ST6GALNAC3: variants seen among roughly 807,000 people sequenced by gnomAD.
ST6GALNAC3 encodes the protein alpha-N-acetylgalactosaminide alpha-2,6-sialyltransferase 3.
Under a neutral mutation model 32.7 loss-of-function variants are expected in ST6GALNAC3, and 25 were observed. The ratio of observed to expected loss-of-function variants is 0.76; its 90% CI spans 0.56 to 1.07. The LOEUF (loss-of-function observed/expected upper bound fraction) is 1.07, where lower values mean the gene tolerates loss of function less well. ST6GALNAC3 is among the 50% of genes least tolerant of loss of function. The probability of loss-of-function intolerance (pLI) is 0.00; values close to 1 mark genes in which losing one functional copy is unlikely to be tolerated. For synonymous variants in ST6GALNAC3, 129 were observed against 133.1 expected (o/e 0.97, Z 0.21); for missense variants, 355 against 382.4 (o/e 0.93, Z 0.60).
chr1:76,426,069 T>A (rs1655358959), intron 3 of ST6GALNAC3, among the ~76,000 whole-genome samples: 1 of 151,920 alleles, frequency 6.6e-6, no homozygotes, highest in Non-Finnish European at 1.5e-5. Context: ...TACATGACTT[T>A]TGCCCCATTT....
At position 76,432,511 on chromosome 1, in the gene ST6GALNAC3, G is replaced by T. The variant is rs189595921; in HGVS notation, c.623+20094G>T. Among the ~76,000 whole-genome samples, 658 of 132,644 alleles carry T rather than the reference G, an allele frequency of 5.0e-3. 6 individuals carry two copies. Among genetic ancestry groups the T allele is most frequent in the African/African-American group, 0.017 (596 of 34,362 alleles). The allele number at this position is 132,644 out of a possible 152,430, so 87.0% of individuals were successfully genotyped here. Reference sequence around the variant, plus strand: ...ACTCTGTTGCCCAGGCTGGAATGCAGTGGCACAAACATGGCTCGCTGAAGC... The same window carrying T: ...ACTCTGTTGCCCAGGCTGGAATGCATTGGCACAAACATGGCTCGCTGAAGC... On this transcript the variant is annotated intron_variant, in intron 3 of 4. Coordinates refer to ENST00000328299, the MANE Select transcript of ST6GALNAC3 (RefSeq NM_152996.4).
chr1:76,431,532 G>A (rs1655752473), intron 3 of ST6GALNAC3, among the ~76,000 whole-genome samples: 1 of 151,822 alleles, frequency 6.6e-6, no homozygotes, highest in Admixed American at 6.6e-5. Context: ...CTCCCTTTCT[G>A]TCTCTCTCAT....
chr1:76,425,982 A>G (rs1169423148), intron 3 of ST6GALNAC3, among the ~76,000 whole-genome samples: 2 of 151,858 alleles, frequency 1.3e-5, no homozygotes, highest in African/African-American at 4.8e-5. Flanking sequence ...TTATGATAAT[A>G]TAGACGATGA....
At chr1:76,294,300 A>AT (rs1660264904) in intron 1 of ST6GALNAC3, among the ~76,000 whole-genome samples, 1 of 152,008 alleles carries the variant, frequency 6.6e-6, no homozygotes. Flanking sequence ...CAATCAATAC[A>AT]TTTTCAGAGT....
intron 3 of ST6GALNAC3, among the ~76,000 whole-genome samples, chr1:76,427,310 G>A (rs956295486): frequency 6.6e-6 from 1 of 152,016 alleles, no homozygotes; most frequent in African/African-American, 2.4e-5. Context: ...ACCAGGTTGA[G>A]TATTTCTCAA....
chr1:76,158,175 A>C (rs1651581306), intron 1 of ST6GALNAC3, among the ~76,000 whole-genome samples: 1 of 152,266 alleles, frequency 6.6e-6, no homozygotes, highest in Non-Finnish European at 1.5e-5. Flanking sequence ...CTCTGCAGCC[A>C]TGCTGCCAGA....
At chr1:76,621,580 A>C (rs2100704070) in intron 3 of ST6GALNAC3, among the ~76,000 whole-genome samples, 1 of 152,194 alleles carries the variant, frequency 6.6e-6, no homozygotes, top group Middle Eastern at 3.4e-3. Context: ...TGAATGATAT[A>C]CAAAAATATA....
chr1:76,132,961 C>T (rs1649710005), intron 1 of ST6GALNAC3, among the ~76,000 whole-genome samples: 1 of 152,118 alleles, frequency 6.6e-6, no homozygotes, highest in East Asian at 1.9e-4. Flanking sequence ...AATTCCCCTA[C>T]AGTAGCATAC....
At chr1:76,452,555 A>G (rs1315237812) in intron 3 of ST6GALNAC3, among the ~76,000 whole-genome samples, 1 of 151,724 alleles carries the variant, frequency 6.6e-6, no homozygotes, top group African/African-American at 2.4e-5. Context: ...TTTGTTTTTA[A>G]TTCTGTTTTT....
At chr1:76,194,379 T>G (rs369737469) in intron 1 of ST6GALNAC3, among the ~76,000 whole-genome samples, 47 of 152,274 alleles carry the variant, frequency 3.1e-4, no homozygotes, top group African/African-American at 1.1e-3. Context: ...AAGAAAAGTA[T>G]TAAGGATCTC....
At chr1:76,321,089 CA>C (rs1486574440) in intron 2 of ST6GALNAC3, among the ~76,000 whole-genome samples, 7 of 151,932 alleles carry the variant, frequency 4.6e-5, no homozygotes, top group Non-Finnish European at 1.0e-4. Flanking sequence ...CTTTTGACCA[CA>C]AGGGTGAGCA....
chr1:76,244,743 G>A (rs1017263505), intron 1 of ST6GALNAC3, among the ~76,000 whole-genome samples: 1 of 152,104 alleles, frequency 6.6e-6, no homozygotes, highest in Non-Finnish European at 1.5e-5. Context: ...GATGGAATAC[G>A]TTTATTGATT....
intron 2 of ST6GALNAC3, among the ~76,000 whole-genome samples, chr1:76,379,829 C>G (rs1330416468): frequency 6.6e-6 from 1 of 152,122 alleles, no homozygotes; most frequent in Non-Finnish European, 1.5e-5. Flanking sequence ...AGCAAACAAA[C>G]AAACAAGCCT....
chr1:76,225,781 G>C (rs139607522), intron 1 of ST6GALNAC3, among the ~76,000 whole-genome samples: 3 of 152,246 alleles, frequency 2.0e-5, no homozygotes, highest in Non-Finnish European at 4.4e-5. Flanking sequence ...GAGAGGCAAT[G>C]AGTGTTGTAT....
intron 3 of ST6GALNAC3, among the ~76,000 whole-genome samples, chr1:76,494,518 G>T (rs1660714391): frequency 2.9e-5 from 3 of 101,982 alleles, no homozygotes; most frequent in Admixed American, 1.3e-4. Context: ...ATTACCCTTG[G>T]CTGAAGCATG....
At chr1:76,479,035 T>G (rs1659551988) in intron 3 of ST6GALNAC3, among the ~76,000 whole-genome samples, 1 of 152,118 alleles carries the variant, frequency 6.6e-6, no homozygotes, top group Non-Finnish European at 1.5e-5. Context: ...AGTGCTGGGA[T>G]TACAGGCGTA....
At chr1:76,273,976 T>C (rs926989486) in intron 1 of ST6GALNAC3, among the ~76,000 whole-genome samples, 5 of 152,296 alleles carry the variant, frequency 3.3e-5, no homozygotes, top group Non-Finnish European at 5.9e-5. Context: ...GAGAGTCCCA[T>C]TTATCACAGA....
intron 3 of ST6GALNAC3, among the ~76,000 whole-genome samples, chr1:76,470,935 G>A (rs1455156380): frequency 1.3e-5 from 2 of 152,038 alleles, no homozygotes; most frequent in Non-Finnish European, 2.9e-5. Context: ...TTTACAGATT[G>A]TTGATACAAA....
chr1:76,565,507 G>A (rs1326511852), intron 3 of ST6GALNAC3, among the ~76,000 whole-genome samples: 1 of 152,036 alleles, frequency 6.6e-6, no homozygotes. Flanking sequence ...TCTCTTGAAC[G>A]GGCTTCCTCG....
Sources: gnomAD v4.1 joint callset for allele counts (sites outside exome capture counted in the v4.1 genomes callset) on GRCh38, gnomAD v4.1.1 for gene constraint, MANE v1.5 for transcripts, NCBI Gene and HGNC (gene_info 2026-07-23, HGNC 2026-07-21) for gene names.